The following NHS variants were observed in gnomAD, a reference collection of about 807,000 sequenced individuals.
The protein encoded by NHS is actin remodeling regulator NHS.
A neutral mutation model predicts 72.5 loss-of-function variants in NHS; 5 were observed. That is an observed-to-expected ratio of 0.07 (90% CI 0.04 to 0.14). The LOEUF (loss-of-function observed/expected upper bound fraction) is 0.14, where lower values mean the gene tolerates loss of function less well. Among genes scored for constraint, NHS ranks in the 10% least tolerant of loss-of-function variants. NHS has a pLI of 1.00. For synonymous variants in NHS, 464 were observed against 547.7 expected (o/e 0.85, Z 2.13); for missense variants, 1,072 against 1,355.7 (o/e 0.79, Z 3.29).
intron 1 of NHS, among the ~76,000 whole-genome samples, chrX:17,572,491 C>CTTTTGTTTT (rs2065485545): frequency 2.1e-5 from 1 of 46,774 alleles, no homozygotes. Context: ...GCAACCCCTG[C>CTTTTGTTTT]TTTTTTTTTT....
chrX:17,380,984 A>G (rs747542358), intron 1 of NHS, among the ~76,000 whole-genome samples: 4 of 110,712 alleles, frequency 3.6e-5, no homozygotes, highest in Non-Finnish European at 5.7e-5. Context: ...TTTTCTCTGT[A>G]AAGTATGGGG....
chrX:17,379,716 A>G (rs1470159134), intron 1 of NHS, among the ~76,000 whole-genome samples: 1 of 112,149 alleles, frequency 8.9e-6, no homozygotes, highest in Non-Finnish European at 1.9e-5. Context: ...CAGAGGTTGC[A>G]GTTAGCCAAG....
At chrX:17,558,132 A>C (rs1390657881) in intron 1 of NHS, among the ~76,000 whole-genome samples, 1 of 111,991 alleles carries the variant, frequency 8.9e-6, no homozygotes, top group African/African-American at 3.3e-5. Context: ...AGGCTTGCCT[A>C]GTACAATATG....
intron 1 of NHS, among the ~76,000 whole-genome samples, chrX:17,423,708 C>A (rs2064635529): frequency 8.9e-6 from 1 of 112,102 alleles, no homozygotes; most frequent in Non-Finnish European, 1.9e-5. Flanking sequence ...GGAGATAATC[C>A]TTCCTCACCT....
In NHS at chrX:17,541,931, G is replaced by A. The variant is rs1055006801; in HGVS notation, c.566-145811G>A. On this transcript the variant is annotated intron_variant, in intron 1 of 8. Coordinates refer to ENST00000676302, the MANE Select transcript of NHS (RefSeq NM_001291867.2). ...TGTGCGACCTCAGTGGAACTTTGCT[G>A]GAGACCTTCGCCTTGCTTAGCTCTT... Among the ~76,000 whole-genome samples, 4 of 111,540 alleles carry A rather than the reference G, an allele frequency of 3.6e-5. No individual in the cohort carries two copies. In the East Asian group the frequency reaches 8.4e-4, roughly 23 times the overall value.
chrX:17,474,404 C>T (rs763988901), intron 1 of NHS, among the ~76,000 whole-genome samples: 34 of 111,987 alleles, frequency 3.0e-4, no homozygotes, highest in Non-Finnish European at 3.8e-4. Context: ...TTTAGGACAA[C>T]GTGCTTCCTT....
At chrX:17,559,045 G>A (rs1390377044) in intron 1 of NHS, among the ~76,000 whole-genome samples, 1 of 112,270 alleles carries the variant, frequency 8.9e-6, no homozygotes, top group Non-Finnish European at 1.9e-5. Flanking sequence ...GATAATCCAA[G>A]TTATATATAA....
At chrX:17,525,324 C>G (rs987270694) in intron 1 of NHS, among the ~76,000 whole-genome samples, 1 of 111,384 alleles carries the variant, frequency 9.0e-6, no homozygotes, top group Admixed American at 9.6e-5. Context: ...CCATCTGAAC[C>G]CTGCTCCAGA....
intron 1 of NHS, among the ~76,000 whole-genome samples, chrX:17,567,263 C>T (rs2065449075): frequency 8.9e-6 from 1 of 111,989 alleles, no homozygotes; most frequent in African/African-American, 3.3e-5. Context: ...GTGGCAACTG[C>T]GTTTGAAGCC....
intron 1 of NHS, among the ~76,000 whole-genome samples, chrX:17,549,844 A>T (rs1448997664): frequency 9.0e-6 from 1 of 111,221 alleles, no homozygotes; most frequent in African/African-American, 3.3e-5. Flanking sequence ...TGGAAAAGGA[A>T]CAAGTGTGTT....
At chrX:17,413,935 C>T (rs2064577040) in intron 1 of NHS, among the ~76,000 whole-genome samples, 1 of 112,192 alleles carries the variant, frequency 8.9e-6, no homozygotes, top group Non-Finnish European at 1.9e-5. Flanking sequence ...GAAGCTCTGT[C>T]GTATAGAGAA....
At position 17,687,731 on chromosome X, in the gene NHS, T is replaced by TG; in HGVS notation, c.566-11_566-10insG. The stretch of plus-strand genomic sequence containing the variant: ...CCACTGATGGACAACGCCCTGTTTC[T>TG]TGTCTTGCAGCCGTCTCCAACCTGG... On this transcript the variant is annotated splice_polypyrimidine_tract_variant and intron_variant, in intron 1 of 8. Transcript: ENST00000676302. 1 of 1,098,301 alleles carries TG rather than the reference T, an allele frequency of 9.1e-7. No homozygotes were observed. Among genetic ancestry groups the TG allele is most frequent in the Non-Finnish European group, 1.2e-6 (1 of 842,134 alleles). 90.5% of individuals were successfully genotyped at this position (1,098,301 alleles called of 1,213,427 possible).
intron 1 of NHS, among the ~76,000 whole-genome samples, chrX:17,380,904 C>T (rs761999322): frequency 1.8e-5 from 2 of 111,078 alleles, no homozygotes; most frequent in East Asian, 2.8e-4. Flanking sequence ...CTGAAGGATA[C>T]GAGCAGGGAG....
chrX:17,637,878 C>A (rs1230853736), intron 1 of NHS, among the ~76,000 whole-genome samples: 2 of 111,980 alleles, frequency 1.8e-5, no homozygotes, highest in Non-Finnish European at 3.8e-5. Context: ...TCGACCCCTG[C>A]CAAATTTCCC....
intron 1 of NHS, among the ~76,000 whole-genome samples, chrX:17,388,649 G>A (rs996585279): frequency 1.8e-5 from 2 of 109,494 alleles, no homozygotes; most frequent in African/African-American, 3.3e-5. Context: ...GCAGTGGGGC[G>A]GATCACCTAG....
intron 1 of NHS, among the ~76,000 whole-genome samples, chrX:17,380,539 G>A (rs1024168519): frequency 9.0e-6 from 1 of 110,645 alleles, no homozygotes; most frequent in Non-Finnish European, 1.9e-5. Flanking sequence ...TTTTCATAGA[G>A]ACAGGGTTTC....
At chrX:17,535,847 G>T (rs1415424032) in intron 1 of NHS, among the ~76,000 whole-genome samples, 2 of 111,593 alleles carry the variant, frequency 1.8e-5, no homozygotes, top group Non-Finnish European at 3.8e-5. Flanking sequence ...TTCCCAAAGT[G>T]CTGGGATTAC....
At chrX:17,614,727 C>T (rs753675209) in intron 1 of NHS, among the ~76,000 whole-genome samples, 1 of 111,350 alleles carries the variant, frequency 9.0e-6, no homozygotes, top group South Asian at 3.9e-4. Context: ...TTTTCCCCTC[C>T]TTAGCAATTT....
intron 1 of NHS, among the ~76,000 whole-genome samples, chrX:17,547,859 A>G (rs1405996154): frequency 2.7e-5 from 3 of 111,995 alleles, no homozygotes; most frequent in Non-Finnish European, 5.6e-5. Context: ...CCTCACCTCC[A>G]TGGCTGGCGT....
Sources: allele counts gnomAD v4.1 joint callset (sites outside exome capture counted in the v4.1 genomes callset), GRCh38; gene constraint gnomAD v4.1.1; transcripts MANE v1.5; gene names NCBI Gene and HGNC (gene_info 2026-07-23, HGNC 2026-07-21).